Variants in PTCSC3 observed in about 807,000 individuals in gnomAD.
The protein encoded by PTCSC3 is papillary thyroid carcinoma susceptibility candidate 3, also known as papillary thyroid carcinoma susceptibility candidate 3 (non-protein coding).
intron 3 of PTCSC3, among the ~76,000 whole-genome samples, chr14:36,145,452 G>T (rs929521296): frequency 1.8e-4 from 27 of 149,682 alleles, no homozygotes; most frequent in African/African-American, 6.4e-4. Flanking sequence ...TTGCGTAGAG[G>T]TGTTTGTAGT....
chr14:36,158,353 C>T (rs986666245), intron 2 of PTCSC3, among the ~76,000 whole-genome samples: 8 of 152,160 alleles, frequency 5.3e-5, no homozygotes, highest in South Asian at 2.1e-4. Flanking sequence ...GAAATGCTTC[C>T]GGTTTTTGCC....
At chr14:36,148,439 G>A (rs373003420) in intron 3 of PTCSC3, among the ~76,000 whole-genome samples, 17 of 152,292 alleles carry the variant, frequency 1.1e-4, no homozygotes, top group East Asian at 5.8e-4. Context: ...GGTGCTGTCC[G>A]TCACCCCTTT....
chr14:36,139,550 T>A (rs923920428), intron 3 of PTCSC3, among the ~76,000 whole-genome samples: 14 of 152,160 alleles, frequency 9.2e-5, no homozygotes, highest in Non-Finnish European at 2.1e-4. Context: ...GCTTCCTCCA[T>A]TATTCGCTAC....
chr14:36,160,305 C>T (rs973678297), intron 2 of PTCSC3, among the ~76,000 whole-genome samples: 2 of 152,134 alleles, frequency 1.3e-5, no homozygotes, highest in Non-Finnish European at 2.9e-5. Flanking sequence ...TTAATTGATG[C>T]AGTTTCTTCA....
intron 3 of PTCSC3, among the ~76,000 whole-genome samples, chr14:36,148,531 G>C (rs1212104292): frequency 1.3e-5 from 2 of 152,240 alleles, no homozygotes; most frequent in African/African-American, 2.4e-5. Flanking sequence ...CTAGCGTGCA[G>C]TGTGTGCACC....
chr14:36,135,150 C>T (rs1358527133), downstream of PTCSC3, among the ~76,000 whole-genome samples: 1 of 151,928 alleles, frequency 6.6e-6, no homozygotes, highest in Non-Finnish European at 1.5e-5. Context: ...AACCTGAAAA[C>T]GTATCAAGAA....
intron 2 of PTCSC3, among the ~76,000 whole-genome samples, chr14:36,157,575 G>A (rs139436801): frequency 9.7e-4 from 148 of 152,114 alleles, no homozygotes; most frequent in African/African-American, 3.4e-3. Flanking sequence ...TGTATAAGGT[G>A]TAAGGAAGGG....
At chr14:36,134,951 A>T (rs1195948152), downstream of PTCSC3, among the ~76,000 whole-genome samples, 2 of 152,216 alleles carry the variant, frequency 1.3e-5, no homozygotes, top group Non-Finnish European at 2.9e-5. Flanking sequence ...TGCTCATTAC[A>T]GTACAAAGGA....
intron 1 of PTCSC3, among the ~76,000 whole-genome samples, chr14:36,170,764 A>G (rs968959687): frequency 6.6e-6 from 1 of 152,062 alleles, no homozygotes; most frequent in Non-Finnish European, 1.5e-5. Flanking sequence ...CTAGGAAATA[A>G]AGGGGCAAGT....
intron 1 of PTCSC3, among the ~76,000 whole-genome samples, chr14:36,169,726 G>C (rs906760688): frequency 2.6e-5 from 4 of 152,146 alleles, no homozygotes; most frequent in Non-Finnish European, 5.9e-5. Flanking sequence ...AGAGCTAGGA[G>C]AGGAAAAGCA....
At chr14:36,161,406 T>A (rs530224340) in intron 2 of PTCSC3, among the ~76,000 whole-genome samples, 1 of 152,226 alleles carries the variant, frequency 6.6e-6, no homozygotes, top group South Asian at 2.1e-4. Context: ...TGGGGTTTTC[T>A]GTGTCTGGAC....
upstream of PTCSC3, among the ~76,000 whole-genome samples, chr14:36,176,643 AAGG>A (rs1882293262): frequency 6.6e-6 from 1 of 152,040 alleles, no homozygotes; most frequent in African/African-American, 2.4e-5. Flanking sequence ...GAGAAGTCTG[AAGG>A]AGTTTGTACT....
At chr14:36,142,791 A>G (rs538621807) in intron 3 of PTCSC3, among the ~76,000 whole-genome samples, 12 of 143,898 alleles carry the variant, frequency 8.3e-5, no homozygotes, top group African/African-American at 2.6e-4. Context: ...ATATCTCCCA[A>G]TGCTATCCCT....
intron 3 of PTCSC3, among the ~76,000 whole-genome samples, chr14:36,142,554 G>C (rs1387109773): frequency 2.0e-5 from 3 of 152,050 alleles, no homozygotes; most frequent in Non-Finnish European, 4.4e-5. Flanking sequence ...GTGAAGAATT[G>C]TTATCATTTC....
chr14:36,152,232 C>T (rs897010136), intron 3 of PTCSC3, among the ~76,000 whole-genome samples: 2 of 150,754 alleles, frequency 1.3e-5, no homozygotes, highest in East Asian at 1.9e-4. Flanking sequence ...TAAAAAAATG[C>T]TAAAGAAAAA....
chr14:36,144,012 A>G (rs1006259795), intron 3 of PTCSC3, among the ~76,000 whole-genome samples: 1 of 152,030 alleles, frequency 6.6e-6, no homozygotes, highest in Admixed American at 6.6e-5. Flanking sequence ...TGTTCCATTG[A>G]TCTATATATC....
intron 3 of PTCSC3, among the ~76,000 whole-genome samples, chr14:36,145,302 G>T (rs893731592): frequency 4.0e-5 from 6 of 151,194 alleles, no homozygotes; most frequent in South Asian, 2.1e-4. Flanking sequence ...GACTCTTTTT[G>T]GTTGGTAAGA....
intron 1 of PTCSC3, among the ~76,000 whole-genome samples, chr14:36,165,665 C>A (rs994563443): frequency 1.3e-5 from 2 of 150,930 alleles, no homozygotes; most frequent in African/African-American, 4.9e-5. Context: ...ACTGTAGTTT[C>A]AGCTAAGGAA....
At chr14:36,142,409 T>C (rs913346780) in intron 3 of PTCSC3, among the ~76,000 whole-genome samples, 6 of 152,218 alleles carry the variant, frequency 3.9e-5, no homozygotes, top group Admixed American at 1.3e-4. Flanking sequence ...TTTTAACACC[T>C]GTATTCATGA....
Sources: allele counts gnomAD v4.1 joint callset (sites outside exome capture counted in the v4.1 genomes callset), GRCh38; gene constraint gnomAD v4.1.1; transcripts MANE v1.5; gene names NCBI Gene and HGNC (gene_info 2026-07-23, HGNC 2026-07-21).